The following PCDHGA5 variants were observed in gnomAD, a reference collection of about 807,000 sequenced individuals.
The protein encoded by PCDHGA5 is protocadherin gamma subfamily A, 5.
A neutral mutation model predicts 56.7 loss-of-function variants in PCDHGA5; 36 were observed. That is an observed-to-expected ratio of 0.64 (90% confidence interval 0.49 to 0.84). The LOEUF is 0.84. PCDHGA5 is among the 40% of genes least tolerant of loss of function. PCDHGA5 has a pLI of 0.00. For synonymous variants in PCDHGA5, 563 were observed against 520.2 expected, an observed-to-expected ratio of 1.08 and a Z score of -1.12; for missense variants, 1,305 against 1,201.5, an observed-to-expected ratio of 1.09 and a Z score of -1.27.
intron 1 of PCDHGA5, chr5:141,393,352 T>G: frequency 1.2e-6 from 2 of 1,613,956 alleles, no homozygotes; most frequent in African/African-American, 2.7e-5. Context: ...CACTTCTCCC[T>G]GGACGTGCAG....
At chr5:141,466,201 T>C (rs985163022) in intron 1 of PCDHGA5, among the ~76,000 whole-genome samples, 1 of 152,006 alleles carries the variant, frequency 6.6e-6, no homozygotes, top group African/African-American at 2.4e-5. Context: ...GACACAGCCT[T>C]GCTCTGTTAC....
Position 141,491,547 on chromosome 5 carries a change from G to A in PCDHGA5, c.2422-3260G>A. On this transcript the variant is annotated intron_variant, in intron 1 of 3. Transcript: ENST00000518069. This position sits in a 1 kb window ranked among gnomAD's most constrained non-coding sequence, Gnocchi z 6.9. ...AGGTGACGCTGCGGCCCACAGACTC[G>A]CAGAGCCACTGCTACAGGACGTGCT... is the stretch of plus-strand genomic sequence containing the variant. The A allele has an allele frequency of 4.3e-6, 7 of 1,613,974 alleles. No individual in the cohort carries two copies. The highest frequency in any genetic ancestry group is 5.9e-6 in the Non-Finnish European group (7 of 1,180,022).
chr5:141,375,139 A>C, intron 1 of PCDHGA5: 1 of 1,613,936 alleles, frequency 6.2e-7, no homozygotes, highest in Non-Finnish European at 8.5e-7. Context: ...TTACATCTGG[A>C]AGCAGAACAA....
intron 1 of PCDHGA5, chr5:141,393,872 T>G (rs774307056): frequency 1.2e-6 from 2 of 1,613,898 alleles, no homozygotes; most frequent in Admixed American, 3.3e-5. Flanking sequence ...CGTCTTTGTT[T>G]AGCCCAGTGT....
Position 141,364,482 on chromosome 5 carries a change from A to G in PCDHGA5, c.152A>G (p.Asp51Gly). The G allele has an allele frequency of 6.2e-7, 1 of 1,614,024 alleles. No individual in the cohort carries two copies. Among genetic ancestry groups the G allele is most frequent in the South Asian group, 1.1e-5 (1 of 91,086 alleles). Residue 51 changes from aspartate (D) to glycine (G), a missense_variant, in exon 1 of 4, where the codon GAC becomes GGC. By Grantham distance (94) the Asp-to-Gly change is moderately conservative. Coordinates refer to ENST00000518069, the MANE Select transcript of PCDHGA5 (RefSeq NM_018918.3). The stretch of plus-strand genomic sequence containing the variant: ...TCCTTCGTCGGCAACATAGCCAAGG[A>G]CCTTGGGCTGGAGCCCCAGGAGCTG... The part of the protein sequence containing the change: ...KGSFVGNIAK[D>G]LGLEPQELAE...
At position 141,432,143 on chromosome 5, in the gene PCDHGA5, C is replaced by A; in HGVS notation, c.2422-62664C>A. The A allele has an allele frequency of 6.2e-7, 1 of 1,614,084 alleles. No homozygotes were observed. Among genetic ancestry groups the A allele is most frequent in the South Asian group, 1.1e-5 (1 of 91,068 alleles). On this transcript the variant is annotated intron_variant, in intron 1 of 3. Transcript: ENST00000518069. The surrounding 1 kb of genome is among the most constrained non-coding windows in gnomAD (Gnocchi z 6.0). ...TCAGGCCTCCTATTCCGCTTATATC[C>A]CAGAGAACAATCCCAGAGGAGTTTC... is the stretch of plus-strand genomic sequence containing the variant.
chr5:141,512,917 T>C lies in PCDHGA5; in HGVS notation c.*1744T>C, dbSNP rs543880225. On this transcript the variant is annotated 3_prime_UTR_variant, in exon 4 of 4. Transcript: ENST00000518069. ...TGTGTCTCACGCAAGTTTTATACTCTAATATTTATATGGCTTTTTTTCTTC... is the reference window on the plus strand; with the variant it reads ...TGTGTCTCACGCAAGTTTTATACTCCAATATTTATATGGCTTTTTTTCTTC... The C allele has an allele frequency of 1.3e-5, 2 of 152,378 alleles. No individual in the cohort carries two copies. Among genetic ancestry groups the C allele is most frequent in the African/African-American group, 2.4e-5 (1 of 41,588 alleles). The allele number at this position is 152,378 out of a possible 1,614,324, so 9.4% of individuals were successfully genotyped here.
chr5:141,383,137 C>A (rs750687055), intron 1 of PCDHGA5: 1 of 1,614,112 alleles, frequency 6.2e-7, no homozygotes, highest in Non-Finnish European at 8.5e-7. Flanking sequence ...CCTGAACCAG[C>A]GCAGCGGCAG....
At position 141,372,722 on chromosome 5, in the gene PCDHGA5, A is replaced by T. The variant is rs551482869; in HGVS notation, c.2421+5971A>T. 13 of 1,613,812 alleles carry T rather than the reference A, an allele frequency of 8.1e-6. No individual in the cohort carries two copies. The Admixed American group carries it at 2.2e-4, about 27-fold the overall frequency. The stretch of plus-strand genomic sequence containing the variant: ...TCAATATAAAGGCTGAAAATGCTGC[A>T]CCACAAGATCTTCTATGTGATGAAG... On this transcript the variant is annotated intron_variant, in intron 1 of 3. Coordinates refer to ENST00000518069, the MANE Select transcript of PCDHGA5 (RefSeq NM_018918.3).
Position 141,489,368 on chromosome 5 carries a change from C to T in PCDHGA5, c.2422-5439C>T, listed in dbSNP as rs889945954. The T allele has an allele frequency of 1.2e-5, 20 of 1,613,264 alleles. No homozygotes were observed. The highest frequency in any genetic ancestry group is 1.6e-5 in the Non-Finnish European group (19 of 1,179,484). On this transcript the variant is annotated intron_variant, in intron 1 of 3. Transcript: ENST00000518069. The surrounding 1 kb of genome is among the most constrained non-coding windows in gnomAD (Gnocchi z 4.5). The stretch of plus-strand genomic sequence containing the variant: ...GTGGTGGAGGAGTCTGAGCCGGGGA[C>T]GCTGGTGGGGAATGTTGCTCAGGAT...
At chr5:141,393,374 T>A (rs11575958) in intron 1 of PCDHGA5, 1 of 1,613,626 alleles carries the variant, frequency 6.2e-7, no homozygotes, top group Admixed American at 1.7e-5. Context: ...CTGGAGACAA[T>A]GGAGCCATAA....
In PCDHGA5 at chr5:141,423,562, A is replaced by G. The variant is rs374427537; in HGVS notation, c.2421+56811A>G. On this transcript the variant is annotated intron_variant, in intron 1 of 3. Coordinates refer to ENST00000518069, the MANE Select transcript of PCDHGA5 (RefSeq NM_018918.3). ...TTTCCCCCAGCCCAACTATGGGGAC[A>G]CGCTCATCAGCCAGGAGAGCTGTGA... is the stretch of plus-strand genomic sequence containing the variant. 7 of 1,613,498 alleles carry G rather than the reference A, an allele frequency of 4.3e-6. No homozygotes were observed. The African/African-American group carries it at 8.0e-5, about 18-fold the overall frequency.
chr5:141,413,418 G>C (rs748857146), intron 1 of PCDHGA5: 1 of 1,614,084 alleles, frequency 6.2e-7, no homozygotes, highest in Admixed American at 1.7e-5. Context: ...TTTTCTCTCT[G>C]AACCCGCGCA....
rs1330469043 is a variant in PCDHGA5 at position 141,491,537 on chromosome 5, C to A, written c.2422-3270C>A. On this transcript the variant is annotated intron_variant, in intron 1 of 3. Transcript: ENST00000518069. This position sits in a 1 kb window ranked among gnomAD's most constrained non-coding sequence, Gnocchi z 6.9. ...AAGTACATGGAGGTGACGCTGCGGCCCACAGACTCGCAGAGCCACTGCTAC... is the reference window on the plus strand; with the variant it reads ...AAGTACATGGAGGTGACGCTGCGGCACACAGACTCGCAGAGCCACTGCTAC... The A allele has an allele frequency of 6.2e-7, 1 of 1,613,908 alleles. No homozygotes were observed. Among genetic ancestry groups the A allele is most frequent in the African/African-American group, 1.3e-5 (1 of 74,920 alleles).
At chr5:141,433,358 C>CTAT (rs2097585632) in intron 1 of PCDHGA5, 108 of 504,044 alleles carry the variant, frequency 2.1e-4, no homozygotes, top group African/African-American at 2.0e-3. Flanking sequence ...CTACTGTCTG[C>CTAT]CTATCTATCT....
chr5:141,485,737 C>T lies in PCDHGA5; in HGVS notation c.2422-9070C>T. On this transcript the variant is annotated intron_variant, in intron 1 of 3. Coordinates refer to ENST00000518069, the MANE Select transcript of PCDHGA5 (RefSeq NM_018918.3). The surrounding 1 kb of genome is among the most constrained non-coding windows in gnomAD (Gnocchi z 5.7). ...TGGATGTGAAGAAGCGCAGCGACGGCAGCCTGGTCCCAGAGCTGCTCCTGG... is the reference window on the plus strand; with the variant it reads ...TGGATGTGAAGAAGCGCAGCGACGGTAGCCTGGTCCCAGAGCTGCTCCTGG... 6.2e-7 allele frequency: 1 copy of T among 1,614,222 alleles called. No individual in the cohort carries two copies. Among genetic ancestry groups the T allele is most frequent in the Non-Finnish European group, 8.5e-7 (1 of 1,180,036 alleles).
chr5:141,476,157 G>A lies in PCDHGA5; in HGVS notation c.2422-18650G>A. On this transcript the variant is annotated intron_variant, in intron 1 of 3. Transcript: ENST00000518069. The surrounding 1 kb of genome is among the most constrained non-coding windows in gnomAD (Gnocchi z 7.6). ...TGGAGGAGCGGACTGGTAAGCACCG[G>A]GAGGGTAGTGGGAGTTTTGCTTCTG... 1 of 1,612,752 alleles carries A rather than the reference G, an allele frequency of 6.2e-7. No homozygotes were observed. Among genetic ancestry groups the A allele is most frequent in the Non-Finnish European group, 8.5e-7 (1 of 1,179,898 alleles).
chr5:141,477,031 A>G lies in PCDHGA5; in HGVS notation c.2422-17776A>G. 2 of 1,614,248 alleles carry G rather than the reference A, an allele frequency of 1.2e-6. No homozygotes were observed. The highest frequency in any genetic ancestry group is 2.2e-5 in the East Asian group (1 of 44,880). On this transcript the variant is annotated intron_variant, in intron 1 of 3. Transcript: ENST00000518069. This position sits in a 1 kb window ranked among gnomAD's most constrained non-coding sequence, Gnocchi z 4.9. ...TAGACCTTGTAACCGGGATGCTGAC[A>G]ATCAAGGGTCGGCTGGACTTCGAGG...
At chr5:141,376,530 G>A (rs200613052) in intron 1 of PCDHGA5, 1 of 1,613,668 alleles carries the variant, frequency 6.2e-7, no homozygotes, top group Admixed American at 1.7e-5. Context: ...CCGCCTAAGC[G>A]GGAAGAGTAA....
Sources: gnomAD v4.1 joint callset for allele counts (sites outside exome capture counted in the v4.1 genomes callset) on GRCh38, gnomAD v4.1.1 for gene constraint, Gnocchi (gnomAD v3.1) non-coding constraint, MANE v1.5 for transcripts, NCBI Gene and HGNC (gene_info 2026-07-23, HGNC 2026-07-21) for gene names.